Variants in ASCC3 observed in about 807,000 individuals in gnomAD.
ASCC3 encodes activating signal cointegrator 1 complex subunit 3, also known as ASC-1 complex subunit P200.
A neutral mutation model predicts 256.3 loss-of-function variants in ASCC3; 158 were observed. The ratio of observed to expected loss-of-function variants is 0.62; its 90% CI spans 0.54 to 0.70. The LOEUF (loss-of-function observed/expected upper bound fraction) is 0.70, where lower values mean the gene tolerates loss of function less well. ASCC3 is among the 30% of genes least tolerant of loss of function. ASCC3 has a pLI of 0.00. For missense variants in ASCC3, 2,259 were observed against 2,626.0 expected (o/e 0.86, Z 3.05); for synonymous variants, 948 against 883.4 (o/e 1.07, Z -1.30).
At chr6:100,524,576 T>C (rs1774469159) in intron 37 of ASCC3, among the ~76,000 whole-genome samples, 1 of 151,984 alleles carries the variant, frequency 6.6e-6, no homozygotes, top group Non-Finnish European at 1.5e-5. Flanking sequence ...CATAAAGAGG[T>C]AGGTTGAAGG....
At chr6:100,687,203 T>G (rs1272994945) in intron 13 of ASCC3, among the ~76,000 whole-genome samples, 1 of 152,154 alleles carries the variant, frequency 6.6e-6, no homozygotes, top group African/African-American at 2.4e-5. Flanking sequence ...TGAATGTATA[T>G]GTTTGAAAAC....
intron 10 of ASCC3, among the ~76,000 whole-genome samples, chr6:100,740,018 CAT>C (rs1780352815): frequency 6.6e-6 from 1 of 151,942 alleles, no homozygotes; most frequent in Admixed American, 6.6e-5. Flanking sequence ...TTTTAGTTGA[CAT>C]ATTAGGCTGT....
chr6:100,866,745 C>T (rs1773500905), intron 2 of ASCC3, among the ~76,000 whole-genome samples: 1 of 152,158 alleles, frequency 6.6e-6, no homozygotes, highest in Non-Finnish European at 1.5e-5. Flanking sequence ...CACAGAGAAG[C>T]CTCAGAAGAA....
At chr6:100,858,685 A>T in intron 3 of ASCC3, 1 of 1,010,528 alleles carries the variant, frequency 9.9e-7, no homozygotes, top group Non-Finnish European at 1.2e-6. Context: ...TTGCTGACAC[A>T]TTTGACAGTA....
chr6:100,602,052 T>C, intron 33 of ASCC3, 117 bp from the exon 34 acceptor site: 2 of 1,034,236 alleles, frequency 1.9e-6, no homozygotes, highest in Non-Finnish European at 2.8e-6. Context: ...AAATTTGTTT[T>C]ATATAACTTA....
chr6:100,693,093 A>C (rs976837891), intron 13 of ASCC3, among the ~76,000 whole-genome samples: 8 of 151,940 alleles, frequency 5.3e-5, no homozygotes, highest in Non-Finnish European at 8.8e-5. Flanking sequence ...AATGATATGA[A>C]TTTAAGATAC....
intron 4 of ASCC3, among the ~76,000 whole-genome samples, chr6:100,846,378 C>T (rs1040438679): frequency 9.9e-5 from 15 of 152,130 alleles, no homozygotes; most frequent in African/African-American, 3.4e-4. Flanking sequence ...TTTTCATATA[C>T]GAACAGGAAA....
intron 10 of ASCC3, among the ~76,000 whole-genome samples, chr6:100,753,505 T>C (rs1781038522): frequency 1.5e-5 from 1 of 67,242 alleles, no homozygotes; most frequent in Non-Finnish European, 3.4e-5. Flanking sequence ...CCCTTTTTTT[T>C]TTTAAAAAAA....
chr6:100,638,456 A>G lies in ASCC3; in HGVS notation c.4122+145T>C, dbSNP rs1021567001. On this transcript the variant is annotated intron_variant, in intron 25 of 41. Coordinates refer to ENST00000369162, the MANE Select transcript of ASCC3 (RefSeq NM_006828.4). ...CAAACTCATGATATCTTCACGGTAT[A>G]TCTGTACTGATCTGGTCCCCTGGGA... 7 of 651,686 alleles carry G rather than the reference A, an allele frequency of 1.1e-5. No homozygotes were observed. The African/African-American group carries it at 1.3e-4, about 12-fold the overall frequency. 40.4% of individuals were successfully genotyped at this position (651,686 alleles called of 1,614,324 possible). A position where few individuals can be genotyped will look rare whatever the true frequency, so the allele number is the denominator to read the frequency against.
chr6:100,619,881 AGC>A (rs1193746133), intron 30 of ASCC3, among the ~76,000 whole-genome samples: 2 of 152,304 alleles, frequency 1.3e-5, no homozygotes, highest in Admixed American at 6.5e-5. Context: ...ACTAGATACA[AGC>A]AAGAGATCTA....
chr6:100,605,589 T>C lies in ASCC3; in HGVS notation c.5156A>G (p.Glu1719Gly). The C allele has an allele frequency of 1.3e-6, 2 of 1,534,930 alleles. No individual in the cohort carries two copies. Among genetic ancestry groups the C allele is most frequent in the South Asian group, 1.1e-5 (1 of 89,288 alleles). Residue 1719 changes from glutamate to glycine, a missense_variant, in exon 33 of 42, where the codon GAA (glutamate) becomes GGA (glycine). Physicochemically the swap from Glu to Gly is moderately conservative, Grantham distance 98. Transcript: ENST00000369162. ...TTACCTTGATTCTACTGGGAAAGGT[T>C]CATAAAGAAATTTTTTATAAAAGTC... is the stretch of plus-strand genomic sequence containing the variant. ...KKDFYKKFLY[E>G]PFPVESSLLG...
chr6:100,537,808 T>C lies in ASCC3; in HGVS notation c.5775+2355A>G, dbSNP rs551313667. Among the ~76,000 whole-genome samples, 7 of 151,638 alleles carry C rather than the reference T, an allele frequency of 4.6e-5. No individual in the cohort carries two copies. In the South Asian group the frequency reaches 1.5e-3, roughly 31 times the overall value. Reference sequence around the variant, plus strand: ...TTTTTATAATTAAAGAGAAAACGATTTCTCTTTAAATGCTGTTTAGAAGGA... The same window carrying C: ...TTTTTATAATTAAAGAGAAAACGATCTCTCTTTAAATGCTGTTTAGAAGGA... On this transcript the variant is annotated intron_variant, in intron 37 of 41. Coordinates refer to ENST00000369162, the MANE Select transcript of ASCC3 (RefSeq NM_006828.4).
chr6:100,625,017 T>G (rs1774154806), intron 30 of ASCC3, among the ~76,000 whole-genome samples, 175 bp downstream of exon 30: 1 of 151,936 alleles, frequency 6.6e-6, no homozygotes, highest in Non-Finnish European at 1.5e-5. Context: ...ATATACAAAA[T>G]AAATATTAAG....
chr6:100,784,703 A>G (rs1475710385), intron 8 of ASCC3, among the ~76,000 whole-genome samples: 1 of 151,874 alleles, frequency 6.6e-6, no homozygotes, highest in African/African-American at 2.4e-5. Context: ...TTGGGACTAT[A>G]AAGACATTTT....
At chr6:100,697,485 C>G (rs1416187767) in intron 13 of ASCC3, among the ~76,000 whole-genome samples, 1 of 151,814 alleles carries the variant, frequency 6.6e-6, no homozygotes, top group Non-Finnish European at 1.5e-5. Flanking sequence ...ATTAGCTTCA[C>G]TGTCCTGGTT....
At chr6:100,659,723 T>A (rs140330935) in intron 16 of ASCC3, among the ~76,000 whole-genome samples, 1 of 151,594 alleles carries the variant, frequency 6.6e-6, no homozygotes, top group Non-Finnish European at 1.5e-5. Flanking sequence ...TTCTGTATAA[T>A]ATTGCCAACT....
intron 29 of ASCC3, among the ~76,000 whole-genome samples, chr6:100,625,970 C>G (rs779652310): frequency 2.0e-5 from 3 of 151,894 alleles, no homozygotes; most frequent in Non-Finnish European, 4.4e-5. Context: ...GAAGAGAATA[C>G]TATGCCTGAA....
intron 14 of ASCC3, among the ~76,000 whole-genome samples, chr6:100,678,981 C>G (rs879513497): frequency 3.9e-5 from 6 of 152,026 alleles, no homozygotes; most frequent in Non-Finnish European, 8.8e-5. Flanking sequence ...AAAATACTAC[C>G]AATACTCAAA....
chr6:100,790,153 A>G (rs1405215846), intron 8 of ASCC3, among the ~76,000 whole-genome samples: 2 of 152,046 alleles, frequency 1.3e-5, no homozygotes, highest in African/African-American at 2.4e-5. Flanking sequence ...CTAAGAATTT[A>G]CCGATTACCT....
Sources: allele counts gnomAD v4.1 joint callset (sites outside exome capture counted in the v4.1 genomes callset), GRCh38; gene constraint gnomAD v4.1.1; transcripts MANE v1.5; gene names NCBI Gene and HGNC (gene_info 2026-07-23, HGNC 2026-07-21).